The following ABCB9 variants were observed in gnomAD, a reference collection of about 807,000 sequenced individuals.
The protein encoded by ABCB9 is ABC-type oligopeptide transporter ABCB9.
Under a neutral mutation model 62.0 loss-of-function variants are expected in ABCB9, and 36 were observed. The observed-to-expected ratio is 0.58, with a 90% CI of 0.45 to 0.77. The LOEUF (loss-of-function observed/expected upper bound fraction) is 0.77. ABCB9 is among the 30% of genes least tolerant of loss of function. The pLI, the probability that ABCB9 is intolerant of heterozygous loss-of-function variation, is 0.00. For synonymous variants in ABCB9, 435 were observed against 461.4 expected, an observed-to-expected ratio of 0.94 and a Z score of 0.73; for missense variants, 943 against 1,054.7, an observed-to-expected ratio of 0.89 and a Z score of 1.47.
chr12:122,963,254 C>T (rs937161903), intron 1 of ABCB9, among the ~76,000 whole-genome samples: 2 of 152,102 alleles, frequency 1.3e-5, no homozygotes, highest in African/African-American at 4.8e-5. Context: ...GCCGAGATTG[C>T]GCCACTGCAC....
At chr12:122,948,930 GCCTCCCTACCTGTGGGC>G in intron 4 of ABCB9, 101 bp from the exon 5 acceptor site, 1 of 969,576 alleles carries the variant, frequency 1.0e-6, no homozygotes, top group Non-Finnish European at 1.4e-6. Context: ...GGGAAGCCGG[GCCTCCCTACCTGTGGGC>G]GGGGTTGGGG....
intron 2 of ABCB9, among the ~76,000 whole-genome samples, chr12:122,956,231 T>A (rs1332690894): frequency 6.6e-6 from 1 of 152,196 alleles, no homozygotes; most frequent in Non-Finnish European, 1.5e-5. Context: ...CCAAGGTGTC[T>A]CACCCATGTG....
upstream of ABCB9, among the ~76,000 whole-genome samples, chr12:122,969,182 C>G (rs12809967): frequency 2.3e-4 from 20 of 85,616 alleles, 1 homozygote; most frequent in East Asian, 8.5e-4. Flanking sequence ...CCACCCCCCC[C>G]CCCCCCCCGG....
chr12:122,972,037 CTTT>C (rs57112984), intron 1 of ABCB9, among the ~76,000 whole-genome samples: 150 of 99,274 alleles, frequency 1.5e-3, no homozygotes, highest in Admixed American at 5.5e-3. Context: ...TTCATAATGT[CTTT>C]TTTTTTTTTT....
chr12:122,941,139 A>G (rs986224354), intron 7 of ABCB9, 144 bp from the exon 8 acceptor site: 1 of 806,372 alleles, frequency 1.2e-6, no homozygotes, highest in East Asian at 2.7e-5. Flanking sequence ...CCACTGGTGC[A>G]TTAGATAACG....
rs939195842 is a variant in ABCB9 at position 122,930,176 on chromosome 12, G to A, written c.2041-5C>T. ...GCCATGGATGGCCTGCTGGATCTGC[G>A]GGGACAGTGGGGGCCTGGCTTGCAT... On this transcript the variant is annotated splice_region_variant and splice_polypyrimidine_tract_variant and intron_variant, in intron 11 of 11. Transcript: ENST00000280560. This position sits in a 1 kb window ranked among gnomAD's most constrained non-coding sequence, Gnocchi z 4.9. The A allele has an allele frequency of 4.7e-5, 72 of 1,539,614 alleles. No individual in the cohort carries two copies. Among genetic ancestry groups the A allele is most frequent in the Admixed American group, 7.9e-5 (4 of 50,720 alleles).
Position 122,964,429 on chromosome 12 carries a change from G to C in ABCB9, c.-88+1858C>G, listed in dbSNP as rs1027363559. Among the ~76,000 whole-genome samples, 1 of 152,230 alleles carries C rather than the reference G, an allele frequency of 6.6e-6. No individual in the cohort carries two copies. Among genetic ancestry groups the C allele is most frequent in the Non-Finnish European group, 1.5e-5 (1 of 68,036 alleles). On this transcript the variant is annotated intron_variant, in intron 1 of 11. Coordinates refer to ENST00000280560, the MANE Select transcript of ABCB9 (RefSeq NM_019625.4). This position sits in a 1 kb window ranked among gnomAD's most constrained non-coding sequence, Gnocchi z 4.7. Reference sequence around the variant, plus strand: ...CCCACAGAGGGAGGGGGTGAGGCTTGTCTCAGGTCATCCACCAGGCTGGGG... The same window carrying C: ...CCCACAGAGGGAGGGGGTGAGGCTTCTCTCAGGTCATCCACCAGGCTGGGG...
chr12:122,945,264 C>T (rs1333851171), intron 6 of ABCB9, among the ~76,000 whole-genome samples: 1 of 152,202 alleles, frequency 6.6e-6, no homozygotes, highest in African/African-American at 2.4e-5. Context: ...AGACCACCAG[C>T]TCCCTCCTCC....
At chr12:122,924,837 A>C (rs777285395), downstream of ABCB9, 5 of 1,533,958 alleles carry the variant, frequency 3.3e-6, no homozygotes, top group Non-Finnish European at 4.4e-6. Flanking sequence ...GAGGACAGTG[A>C]CATTTGCTAA....
chr12:122,956,170 G>A (rs1428678437), intron 2 of ABCB9, among the ~76,000 whole-genome samples: 4 of 152,178 alleles, frequency 2.6e-5, no homozygotes, highest in African/African-American at 9.7e-5. Flanking sequence ...GGTCATCCCA[G>A]TCCTCACACC....
At chr12:122,938,744 C>T (rs975674641) in intron 9 of ABCB9, among the ~76,000 whole-genome samples, 1 of 151,886 alleles carries the variant, frequency 6.6e-6, no homozygotes, top group African/African-American at 2.4e-5. Flanking sequence ...AGGAGAATGG[C>T]GTGAACCCGG....
intron 7 of ABCB9, among the ~76,000 whole-genome samples, chr12:122,943,720 C>T (rs1304446245): frequency 6.6e-6 from 1 of 152,032 alleles, no homozygotes; most frequent in Non-Finnish European, 1.5e-5. Context: ...ACCTCTGCCT[C>T]CCGGGTTCAA....
Position 122,930,202 on chromosome 12 carries a change from G to A in ABCB9, c.2041-31C>T, listed in dbSNP as rs535522010. 2.6e-6 allele frequency: 4 copies of A among 1,514,854 alleles called. No individual in the cohort carries two copies. The African/African-American group carries it at 5.5e-5, about 21-fold the overall frequency. The allele number at this position is 1,514,854 out of a possible 1,614,324, so 93.8% of individuals were successfully genotyped here. ...GGGACAGTGGGGGCCTGGCTTGCAT[G>A]GCACGGACGCCCCACCCGCAACCGT... On this transcript the variant is annotated intron_variant, in intron 11 of 11. Coordinates refer to ENST00000280560, the MANE Select transcript of ABCB9 (RefSeq NM_019625.4). This position sits in a 1 kb window ranked among gnomAD's most constrained non-coding sequence, Gnocchi z 4.9.
rs2035080146 is a variant in ABCB9 at position 122,930,231 on chromosome 12, T to C, written c.2041-60A>G. 6.8e-7 allele frequency: 1 copy of C among 1,460,396 alleles called. No homozygotes were observed. The highest frequency in any genetic ancestry group is 1.3e-5 in the South Asian group (1 of 75,708). The allele number at this position is 1,460,396 out of a possible 1,614,324, so 90.5% of individuals were successfully genotyped here. On this transcript the variant is annotated intron_variant, in intron 11 of 11. Transcript: ENST00000280560. The surrounding 1 kb of genome is among the most constrained non-coding windows in gnomAD (Gnocchi z 4.9). Reference sequence around the variant, plus strand: ...CGGACGCCCCACCCGCAACCGTGCTTCATGCCACGGCCTATGGGCTGATGC... The same window carrying C: ...CGGACGCCCCACCCGCAACCGTGCTCCATGCCACGGCCTATGGGCTGATGC...
chr12:122,948,937 T>A, intron 4 of ABCB9, 108 bp from the exon 5 acceptor site: 5 of 725,598 alleles, frequency 6.9e-6, no homozygotes, highest in Non-Finnish European at 1.0e-5. Flanking sequence ...CGGGCCTCCC[T>A]ACCTGTGGGC....
At chr12:122,923,755 C>T (rs1401810532) in intron 11 of ABCB9, among the ~76,000 whole-genome samples, 2 of 152,142 alleles carry the variant, frequency 1.3e-5, no homozygotes, top group South Asian at 2.1e-4. Context: ...AGGAGAGTTC[C>T]TAGAATTTTC....
chr12:122,939,868 G>A, intron 9 of ABCB9: 1 of 496,268 alleles, frequency 2.0e-6, no homozygotes. Context: ...GTCTCACTAT[G>A]TTGTCCAGGC....
chr12:122,967,282 T>C (rs1190197386), upstream of ABCB9, among the ~76,000 whole-genome samples: 1 of 151,938 alleles, frequency 6.6e-6, no homozygotes, highest in Non-Finnish European at 1.5e-5. Context: ...ATTGTGTAAG[T>C]GAAAGGTGAG....
rs11060946 is a variant in ABCB9 at position 122,950,701 on chromosome 12, G to A, written c.602-136C>T. ...GGCTTTCCTCCCTCGGCAAACTCTT[G>A]CTGCCCATCGTGGGGCCCCAGGGTG... On this transcript the variant is annotated intron_variant, in intron 2 of 11. Coordinates refer to ENST00000280560, the MANE Select transcript of ABCB9 (RefSeq NM_019625.4). 0.03 allele frequency: 21,143 copies of A among 709,944 alleles called. 3,132 individuals carry two copies. The African/African-American group carries it at 0.33, about 11-fold the overall frequency. 44.0% of individuals were successfully genotyped at this position (709,944 alleles called of 1,614,324 possible).
Sources: gnomAD v4.1 joint callset for allele counts (sites outside exome capture counted in the v4.1 genomes callset) on GRCh38, gnomAD v4.1.1 for gene constraint, Gnocchi (gnomAD v3.1) non-coding constraint, MANE v1.5 for transcripts, NCBI Gene and HGNC (gene_info 2026-07-23, HGNC 2026-07-21) for gene names.